The following RPN1 variants were observed in gnomAD, a reference collection of about 807,000 sequenced individuals.
RPN1 encodes the protein ribophorin I.
RPN1 carries 12 observed loss-of-function variants against 55.5 expected under a neutral mutation model. That is an observed-to-expected ratio of 0.22 (90% CI 0.14 to 0.35). RPN1 has a LOEUF of 0.35. Among genes scored for constraint, RPN1 ranks in the 10% least tolerant of loss-of-function variants. The probability of loss-of-function intolerance (pLI) is 1.00; values close to 1 mark genes in which losing one functional copy is unlikely to be tolerated. For synonymous variants in RPN1, 317 were observed against 305.9 expected (o/e 1.04, Z -0.38); for missense variants, 679 against 761.3 (o/e 0.89, Z 1.27).
intron 2 of RPN1, among the ~76,000 whole-genome samples, chr3:128,643,783 G>A (rs183559556): frequency 6.6e-5 from 10 of 150,544 alleles, no homozygotes; most frequent in East Asian, 5.9e-4. Flanking sequence ...CAAAGAGAGC[G>A]AAACTCTCTC....
In RPN1 at chr3:128,644,984, C is replaced by G; in HGVS notation, c.262-1G>C. ...TCTCTTCCTCATCTTCTCCCTTTAC[C>G]TACAACAGAAAAAGATAGTTTATTA... On this transcript the variant is annotated splice_acceptor_variant, in intron 1 of 9. Coordinates refer to ENST00000296255, the MANE Select transcript of RPN1 (RefSeq NM_002950.4). LOFTEE classifies it high-confidence loss of function. 6.5e-7 allele frequency: 1 copy of G among 1,545,514 alleles called. No individual in the cohort carries two copies. Among genetic ancestry groups the G allele is most frequent in the Non-Finnish European group, 8.9e-7 (1 of 1,118,322 alleles).
intron 1 of RPN1, 64 bp from the exon 2 acceptor site, chr3:128,645,047 T>A: frequency 1.1e-6 from 1 of 916,318 alleles, no homozygotes; most frequent in Non-Finnish European, 1.8e-6. Flanking sequence ...AGTCAATAAT[T>A]AACCAAGTGC....
chr3:128,630,935 A>T (rs1046080012), intron 4 of RPN1, among the ~76,000 whole-genome samples: 2 of 148,834 alleles, frequency 1.3e-5, no homozygotes, highest in African/African-American at 5.0e-5. Flanking sequence ...AACATGGTGA[A>T]ACCCCGTCTC....
chr3:128,634,563 C>CTTT (rs374113354), intron 3 of RPN1, among the ~76,000 whole-genome samples: 10 of 135,628 alleles, frequency 7.4e-5, no homozygotes, highest in African/African-American at 1.9e-4. Context: ...CTCCATAAAC[C>CTTT]TTTTTTTTTT....
At chr3:128,625,763 C>A in intron 7 of RPN1, 110 bp from the exon 8 acceptor site, 1 of 1,571,270 alleles carries the variant, frequency 6.4e-7, no homozygotes, top group South Asian at 1.1e-5. Context: ...CCAGAAGACG[C>A]CATGAGCTCA....
intron 9 of RPN1, 41 bp from the exon 10 acceptor site, chr3:128,620,634 T>C: frequency 6.3e-7 from 1 of 1,589,502 alleles, no homozygotes. Context: ...TGAGCTGTCC[T>C]CCCACCCCAC....
At chr3:128,641,472 C>T (rs558039803) in intron 2 of RPN1, among the ~76,000 whole-genome samples, 24 of 152,224 alleles carry the variant, frequency 1.6e-4, no homozygotes, top group African/African-American at 5.5e-4. Flanking sequence ...CATGAAATGT[C>T]AACCCTCCGT....
At chr3:128,621,945 G>A (rs943465856) in intron 9 of RPN1, among the ~76,000 whole-genome samples, 3 of 152,222 alleles carry the variant, frequency 2.0e-5, no homozygotes, top group Non-Finnish European at 1.5e-5. Context: ...CAGTGCTGAC[G>A]AGGCTAGCAG....
At chr3:128,636,746 A>G (rs2069684856) in intron 3 of RPN1, among the ~76,000 whole-genome samples, 1 of 152,128 alleles carries the variant, frequency 6.6e-6, no homozygotes, top group Admixed American at 6.6e-5. Context: ...ATGAGGTCTC[A>G]CTATGTTGCC....
In RPN1 at chr3:128,647,211, G is replaced by A. The variant is rs961396269; in HGVS notation, c.262-2228C>T. On this transcript the variant is annotated intron_variant, in intron 1 of 9. Transcript: ENST00000296255. ...TCTCTCTGCCAACCCACCCTCAACT[G>A]AAAAAAACAAAAATTAGACTATCTT... Among the ~76,000 whole-genome samples the A allele has an allele frequency of 1.6e-4, 24 of 151,688 alleles. 1 individual carries two copies. The highest frequency in any genetic ancestry group is 2.9e-5 in the Non-Finnish European group (2 of 67,930).
chr3:128,645,541 G>C (rs866493244), intron 1 of RPN1, among the ~76,000 whole-genome samples: 1 of 151,954 alleles, frequency 6.6e-6, no homozygotes, highest in African/African-American at 2.4e-5. Flanking sequence ...ACACACAGCT[G>C]GGTGTGGTAG....
chr3:128,624,826 C>G (rs2069587337), intron 8 of RPN1, among the ~76,000 whole-genome samples: 1 of 151,968 alleles, frequency 6.6e-6, no homozygotes, highest in Admixed American at 6.6e-5. Flanking sequence ...CAGAGCGAGA[C>G]TCCATCTCAA....
chr3:128,626,922 A>G (rs2069603590), intron 5 of RPN1, 90 bp from the exon 6 acceptor site: 2 of 1,240,338 alleles, frequency 1.6e-6, no homozygotes, highest in South Asian at 2.4e-5. Flanking sequence ...ATAAAGACAG[A>G]GCAAGTAGAC....
intron 1 of RPN1, among the ~76,000 whole-genome samples, chr3:128,645,297 C>A (rs1031033530): frequency 3.3e-5 from 5 of 152,004 alleles, no homozygotes; most frequent in African/African-American, 7.2e-5. Flanking sequence ...CATGGAGAAA[C>A]CCCATCTCTA....
intron 8 of RPN1, among the ~76,000 whole-genome samples, chr3:128,625,100 G>C (rs1402773198): frequency 6.6e-6 from 1 of 152,150 alleles, no homozygotes; most frequent in Non-Finnish European, 1.5e-5. Flanking sequence ...GCCTGTCAGG[G>C]AGCAGAGAGT....
At position 128,625,594 on chromosome 3, in the gene RPN1, G is replaced by A; in HGVS notation, c.1335C>T (p.Ala445=). 3 of 1,614,084 alleles carry A rather than the reference G, an allele frequency of 1.9e-6. No individual in the cohort carries two copies. Among genetic ancestry groups the A allele is most frequent in the South Asian group, 2.2e-5 (2 of 91,080 alleles). ...TAACGGTGAAGAACAGGATGTAGAA[G>A]GCCGCCACCACCAGCAGGGGCTCCT... ...MLQEPLLVVA[A]FYILFFTVII... The change falls in exon 8 of 10, where the codon GCC becomes GCT. Residue 445 remains alanine (A), a synonymous_variant. Coordinates refer to ENST00000296255, the MANE Select transcript of RPN1 (RefSeq NM_002950.4).
At chr3:128,648,502 G>C (rs2069786469) in intron 1 of RPN1, among the ~76,000 whole-genome samples, 1 of 152,090 alleles carries the variant, frequency 6.6e-6, no homozygotes, top group Admixed American at 6.6e-5. Flanking sequence ...AGAGGTTGCA[G>C]TGAGCCAAGA....
chr3:128,650,484 A>C, intron 1 of RPN1, 56 bp downstream of exon 1: 1 of 1,474,468 alleles, frequency 6.8e-7, no homozygotes, highest in Non-Finnish European at 9.0e-7. Context: ...GGGGACCGCC[A>C]GGAAGGGAGG....
At chr3:128,620,675 A>G (rs1576790481) in intron 9 of RPN1, 82 bp from the exon 10 acceptor site, 1 of 1,428,408 alleles carries the variant, frequency 7.0e-7, no homozygotes, top group Non-Finnish European at 9.6e-7. Context: ...CCAGGCCTAC[A>G]GACCCCAGAG....
Sources: allele counts gnomAD v4.1 joint callset (sites outside exome capture counted in the v4.1 genomes callset), GRCh38; gene constraint gnomAD v4.1.1; transcripts MANE v1.5; gene names NCBI Gene and HGNC (gene_info 2026-07-23, HGNC 2026-07-21).